The following SETD1B variants were observed in gnomAD, a reference collection of about 807,000 sequenced individuals.
SETD1B encodes SET domain containing 1B, histone lysine methyltransferase.
In SETD1B, 7 loss-of-function variants were observed where a neutral mutation model predicts 148.0. That is an observed-to-expected ratio of 0.05 (90% CI 0.03 to 0.09). The LOEUF (loss-of-function observed/expected upper bound fraction) is 0.09, where lower values mean the gene tolerates loss of function less well. SETD1B is among the 10% of genes least tolerant of loss of function. SETD1B has a pLI of 1.00. For synonymous variants in SETD1B, 1,361 were observed against 1,186.5 expected (o/e 1.15, Z -3.02); for missense variants, 2,155 against 2,729.9 (o/e 0.79, Z 4.69).
rs1876892014 is a variant in SETD1B at position 121,827,392 on chromosome 12, C to G, written c.5338-127C>G. 2.5e-6 allele frequency: 3 copies of G among 1,194,940 alleles called. No homozygotes were observed. The African/African-American group carries it at 4.6e-5, about 18-fold the overall frequency. The allele number at this position is 1,194,940 out of a possible 1,614,324, so 74.0% of individuals were successfully genotyped here. Reference sequence around the variant, plus strand: ...GCAGGGAAGCGGTGACAATTAGGGACCGACAGGTGTGGAGAAGCCCAGAGC... The same window carrying G: ...GCAGGGAAGCGGTGACAATTAGGGAGCGACAGGTGTGGAGAAGCCCAGAGC... On this transcript the variant is annotated intron_variant, in intron 13 of 16. Transcript: ENST00000604567.
the SETD1B span, among the ~76,000 whole-genome samples, chr12:121,798,151 C>T: frequency 6.6e-6 from 1 of 152,234 alleles, no homozygotes; most frequent in Non-Finnish European, 1.5e-5. Flanking sequence ...CCAAGTCAAG[C>T]CACCTGGAAC....
At position 121,814,411 on chromosome 12, in the gene SETD1B, G is replaced by T. The variant is rs1037582134; in HGVS notation, c.2196G>T (p.Ala732=). The change falls in exon 7 of 17, where the codon GCG becomes GCT. Residue 732 remains alanine (A), a synonymous_variant. Coordinates refer to ENST00000604567, the MANE Select transcript of SETD1B (RefSeq NM_001353345.2). The stretch of plus-strand genomic sequence containing the variant: ...CAGTGCCCCCACCACCCTTGCCAGC[G>T]CCGCCTGGAGTCCCGCCCCCACCCA... ...AVTVPPPPLP[A]PPGVPPPPIL... is the part of the protein sequence containing the mutation. The T allele has an allele frequency of 7.1e-7, 1 of 1,404,324 alleles. No homozygotes were observed. The allele number at this position is 1,404,324 out of a possible 1,614,324, so 87.0% of individuals were successfully genotyped here.
intron 10 of SETD1B, among the ~76,000 whole-genome samples, chr12:121,818,746 C>T (rs12424390): frequency 2.0e-5 from 3 of 151,590 alleles, no homozygotes; most frequent in East Asian, 1.9e-4. Flanking sequence ...AAAAATTAGC[C>T]GGGCATGGTG....
intron 11 of SETD1B, among the ~76,000 whole-genome samples, chr12:121,821,996 C>G (rs1372835108): frequency 6.6e-6 from 1 of 152,146 alleles, no homozygotes; most frequent in East Asian, 1.9e-4. Flanking sequence ...GCAGGAGGAT[C>G]CCTTGAGCCC....
At position 121,810,677 on chromosome 12, in the gene SETD1B, C is replaced by T; in HGVS notation, c.1732C>T (p.Pro578Ser). 2.6e-6 allele frequency: 4 copies of T among 1,550,310 alleles called. No homozygotes were observed. The highest frequency in any genetic ancestry group is 3.5e-6 in the Non-Finnish European group (4 of 1,146,874). Residue 578 changes from proline (P) to serine (S), a missense_variant, in exon 6 of 17, where the codon CCA (proline) becomes TCA (serine). Coordinates refer to ENST00000604567, the MANE Select transcript of SETD1B (RefSeq NM_001353345.2). This position sits in a 1 kb window ranked among gnomAD's most constrained non-coding sequence, Gnocchi z 7.6. ...GGAGGATATCAGCCCAACACCCCTC[C>T]CAGACTCCGACGAGGACGAGGAGCT... ...GLEDISPTPL[P>S]DSDEDEELDL...
rs371483616 is a variant in SETD1B at position 121,815,359 on chromosome 12, G to T, written c.2715+429G>T. ...ACATTTCAAGTGCTCGGGAGCCACAGGTGCCTAGTGGTAGTACACAGGATA... is the reference window on the plus strand; with the variant it reads ...ACATTTCAAGTGCTCGGGAGCCACATGTGCCTAGTGGTAGTACACAGGATA... On this transcript the variant is annotated intron_variant, in intron 7 of 16. Coordinates refer to ENST00000604567, the MANE Select transcript of SETD1B (RefSeq NM_001353345.2). 1.3e-5 allele frequency among the ~76,000 whole-genome samples: 2 copies of T among 151,956 alleles called. 1 individual carries two copies. The highest frequency in any genetic ancestry group is 4.8e-5 in the African/African-American group (2 of 41,382).
Position 121,817,109 on chromosome 12 carries a change from G to A in SETD1B, c.2792G>A (p.Cys931Tyr), listed in dbSNP as rs1355701955. 1.3e-6 allele frequency: 2 copies of A among 1,549,066 alleles called. No individual in the cohort carries two copies. The highest frequency in any genetic ancestry group is 1.7e-6 in the Non-Finnish European group (2 of 1,146,844). ...RPKPKDRIAS[C>Y]LLESWGKGEG... Reference sequence around the variant, plus strand: ...AAGCCCAAGGACCGCATCGCCTCGTGCCTGCTGGAGTCATGGGGCAAGGGC... The same window carrying A: ...AAGCCCAAGGACCGCATCGCCTCGTACCTGCTGGAGTCATGGGGCAAGGGC... Residue 931 changes from cysteine (C) to tyrosine (Y), a missense_variant, in exon 8 of 17, where the codon TGC becomes TAC. Cys to Tyr is a radical substitution (Grantham distance 194). Around this residue, in one of 11 missense-constraint regions of SETD1B, gnomAD observed 289 missense variants for 423.7 expected, o/e 0.68. Coordinates refer to ENST00000604567, the MANE Select transcript of SETD1B (RefSeq NM_001353345.2). The surrounding 1 kb of genome is among the most constrained non-coding windows in gnomAD (Gnocchi z 8.1).
intron 16 of SETD1B, 126 bp downstream of exon 16, chr12:121,828,196 A>G (rs1206695346): frequency 7.7e-7 from 1 of 1,304,492 alleles, no homozygotes; most frequent in Non-Finnish European, 1.0e-6. Flanking sequence ...CAGGTTGGCC[A>G]AGGGTTATAG....
At position 121,823,526 on chromosome 12, in the gene SETD1B, C is replaced by A; in HGVS notation, c.4947C>A (p.Arg1649=). 2 of 1,551,062 alleles carry A rather than the reference C, an allele frequency of 1.3e-6. No individual in the cohort carries two copies. Among genetic ancestry groups the A allele is most frequent in the Non-Finnish European group, 1.7e-6 (2 of 1,146,912 alleles). ...CGTGGCGCCGGCCACCTAAGAAGCGCCATGAGGACCTGGTGCCACCTGCGG... is the reference window on the plus strand; with the variant it reads ...CGTGGCGCCGGCCACCTAAGAAGCGACATGAGGACCTGGTGCCACCTGCGG... ...RGPWRRPPKK[R]HEDLVPPAGS... is the part of the protein sequence containing the mutation. Residue 1649 remains arginine, a synonymous_variant, in exon 12 of 17, where the codon CGC becomes CGA. Coordinates refer to ENST00000604567, the MANE Select transcript of SETD1B (RefSeq NM_001353345.2).
rs191488950 is a variant in SETD1B, at chr12:121,817,245, C to G, written c.2928C>G (p.Gly976=). Residue 976 remains glycine, a synonymous_variant, in exon 8 of 17, where the codon GGC becomes GGG. Coordinates refer to ENST00000604567, the MANE Select transcript of SETD1B (RefSeq NM_001353345.2). The surrounding 1 kb of genome is among the most constrained non-coding windows in gnomAD (Gnocchi z 8.1). ...RKEPPDTTSS[G]DQKRLRPSTS... is the part of the protein sequence containing the mutation. ...AGCCACCAGACACCACCTCATCTGGCGACCAGAAGCGGCTGCGGCCCTCGA... is the reference window on the plus strand; with the variant it reads ...AGCCACCAGACACCACCTCATCTGGGGACCAGAAGCGGCTGCGGCCCTCGA... 6.4e-7 allele frequency: 1 copy of G among 1,551,028 alleles called. No individual in the cohort carries two copies. The highest frequency in any genetic ancestry group is 8.7e-7 in the Non-Finnish European group (1 of 1,146,934).
In SETD1B at chr12:121,825,381, C is replaced by T. The variant is rs758769293; in HGVS notation, c.5337+15C>T. 1.1e-4 allele frequency: 166 copies of T among 1,546,132 alleles called. No homozygotes were observed. Among genetic ancestry groups the T allele is most frequent in the Admixed American group, 1.8e-4 (9 of 50,970 alleles). On this transcript the variant is annotated intron_variant, in intron 13 of 16. Coordinates refer to ENST00000604567, the MANE Select transcript of SETD1B (RefSeq NM_001353345.2). ...CAGACACCCAGGTACTGCCAGGGCT[C>T]CTGGACACATCAGAGCCTGCTGGGC... is the stretch of plus-strand genomic sequence containing the variant.
the SETD1B span, chr12:121,793,896 C>G: frequency 2.8e-6 from 1 of 353,612 alleles, no homozygotes; most frequent in Non-Finnish European, 5.1e-6. Flanking sequence ...ACCCCCAACC[C>G]ACCGCCACCC....
chr12:121,806,083 C>T lies in SETD1B; in HGVS notation c.522C>T (p.Ile174=). Residue 174 remains isoleucine, a synonymous_variant, in exon 4 of 17, where the codon ATC becomes ATT. Coordinates refer to ENST00000604567, the MANE Select transcript of SETD1B (RefSeq NM_001353345.2). ...GCACTTCCGTCATGGGCAACATTAT[C>T]CACGTGGAGCTGGACACCAAAGGTG... ...LHSTSVMGNI[I]HVELDTKGET... 2 of 1,551,646 alleles carry T rather than the reference C, an allele frequency of 1.3e-6. No individual in the cohort carries two copies. The highest frequency in any genetic ancestry group is 2.4e-5 in the South Asian group (2 of 84,054).
At chr12:121,796,040 GGACTC>G in the SETD1B span, 15 of 149,980 alleles carry the variant, frequency 1.0e-4, no homozygotes, top group African/African-American at 3.7e-4. Flanking sequence ...CGTTTGATTT[GGACTC>G]GACTGTTGTG....
chr12:121,819,361 C>T (rs772385609), intron 10 of SETD1B, 43 bp from the exon 11 acceptor site: 10 of 1,549,852 alleles, frequency 6.5e-6, no homozygotes, highest in East Asian at 2.4e-5. Flanking sequence ...GGCTGGGGCA[C>T]AGCGGGTCCT....
At position 121,823,876 on chromosome 12, in the gene SETD1B, G is replaced by A. The variant is rs551702020; in HGVS notation, c.5170+127G>A. 23 of 1,301,884 alleles carry A rather than the reference G, an allele frequency of 1.8e-5. No individual in the cohort carries two copies. In the African/African-American group the frequency reaches 1.8e-4, roughly 10 times the overall value. The allele number at this position is 1,301,884 out of a possible 1,614,324, so 80.6% of individuals were successfully genotyped here. A position where few individuals can be genotyped will look rare whatever the true frequency, so the allele number is the denominator to read the frequency against. ...CATGAAGGTGACAGCATGCACCACC[G>A]TCACTTCCCAAGCAGGGTTTGTGTC... On this transcript the variant is annotated intron_variant, in intron 12 of 16. Transcript: ENST00000604567.
At position 121,817,672 on chromosome 12, in the gene SETD1B, T is replaced by G. The variant is rs1423785992; in HGVS notation, c.3280T>G (p.Ser1094Ala). The G allele has an allele frequency of 6.5e-7, 1 of 1,549,754 alleles. No homozygotes were observed. Among genetic ancestry groups the G allele is most frequent in the African/African-American group, 1.4e-5 (1 of 72,982 alleles). Reference sequence around the variant, plus strand: ...GGAGGAAGTCCCCAGGAGCCAGCTCTCCTCCTCCTCAACCTCATCCACATC... The same window carrying G: ...GGAGGAAGTCCCCAGGAGCCAGCTCGCCTCCTCCTCAACCTCATCCACATC... ...EEEEVPRSQL[S>A]SSSTSSTSDK... Residue 1094 changes from serine to alanine, a missense_variant, in exon 9 of 17, where the codon TCC (serine) becomes GCC (alanine). By Grantham distance (99) the Ser-to-Ala change is moderately conservative. Around this residue, in one of 11 missense-constraint regions of SETD1B, gnomAD observed 862 missense variants for 873.8 expected, o/e 0.99. Coordinates refer to ENST00000604567, the MANE Select transcript of SETD1B (RefSeq NM_001353345.2). The surrounding 1 kb of genome is among the most constrained non-coding windows in gnomAD (Gnocchi z 8.1).
chr12:121,790,486 G>C, the SETD1B span, among the ~76,000 whole-genome samples: 1 of 152,152 alleles, frequency 6.6e-6, no homozygotes, highest in Non-Finnish European at 1.5e-5. Flanking sequence ...AATCATCTCC[G>C]GCATTCGGAT....
chr12:121,793,141 G>C, the SETD1B span: 5 of 1,548,820 alleles, frequency 3.2e-6, no homozygotes, highest in Non-Finnish European at 3.5e-6. Flanking sequence ...CCGGCGCGCA[G>C]GCGCACTCAC....
Sources: allele counts gnomAD v4.1 joint callset (sites outside exome capture counted in the v4.1 genomes callset), GRCh38; gene constraint gnomAD v4.1.1; regional missense constraint gnomAD v4.1.1; non-coding constraint Gnocchi (gnomAD v3.1); transcripts MANE v1.5; gene names NCBI Gene and HGNC (gene_info 2026-07-23, HGNC 2026-07-21).